The following DAB2 variants were observed in gnomAD, a reference collection of about 807,000 sequenced individuals.
DAB2 encodes DAB adaptor protein 2, also known as disabled homolog 2.
In DAB2, 28 loss-of-function variants were observed where a neutral mutation model predicts 71.6. The observed-to-expected ratio is 0.39, with a 90% CI of 0.29 to 0.54. DAB2 has a LOEUF of 0.54. Among genes scored for constraint, DAB2 ranks in the 20% least tolerant of loss-of-function variants. DAB2 has a pLI of 0.68. For missense variants in DAB2, 867 were observed against 928.8 expected (o/e 0.93, Z 0.86); for synonymous variants, 345 against 339.7 (o/e 1.02, Z -0.17).
intron 2 of DAB2, 57 bp from the exon 3 acceptor site, chr5:39,393,450 T>A: frequency 6.5e-7 from 1 of 1,549,912 alleles, no homozygotes; most frequent in Non-Finnish European, 8.8e-7. Flanking sequence ...TGACCAAATA[T>A]GCTCTAGACT....
intron 9 of DAB2, chr5:39,385,032 C>G (rs1361727433): frequency 6.6e-6 from 1 of 151,960 alleles, no homozygotes; most frequent in African/African-American, 2.4e-5. Flanking sequence ...TATTTCATGG[C>G]CACAAAAGAG....
At chr5:39,401,248 A>C (rs1579917801) in intron 1 of DAB2, among the ~76,000 whole-genome samples, 1 of 152,338 alleles carries the variant, frequency 6.6e-6, no homozygotes, top group Non-Finnish European at 1.5e-5. Flanking sequence ...AAATGCTGAC[A>C]CTACTGTAGG....
Position 39,382,603 on chromosome 5 carries a change from G to A in DAB2, c.1341+15C>T. The A allele has an allele frequency of 6.2e-7, 1 of 1,607,716 alleles. No homozygotes were observed. Among genetic ancestry groups the A allele is most frequent in the Non-Finnish European group, 8.5e-7 (1 of 1,174,954 alleles). ...CATGCACTCTGCTAATGGATATGTG[G>A]AGAAGACAATTCACCTTAGCAGTCC... On this transcript the variant is annotated intron_variant, in intron 10 of 14. Transcript: ENST00000320816.
rs1217625210 is a variant in DAB2 at position 39,389,069 on chromosome 5, T to C, written c.570+28A>G. The C allele has an allele frequency of 6.2e-6, 10 of 1,610,032 alleles. No individual in the cohort carries two copies. In the East Asian group the frequency reaches 6.7e-5, roughly 11 times the overall value. On this transcript the variant is annotated intron_variant, in intron 7 of 14. Transcript: ENST00000320816. ...GGGCTTACGCATGTCACACACATGATTAACAAGAAGTAAAGATGCAATTTT... is the reference window on the plus strand; with the variant it reads ...GGGCTTACGCATGTCACACACATGACTAACAAGAAGTAAAGATGCAATTTT...
chr5:39,418,682 T>C (rs1387075974), intron 1 of DAB2, among the ~76,000 whole-genome samples: 1 of 152,206 alleles, frequency 6.6e-6, no homozygotes, highest in East Asian at 1.9e-4. Flanking sequence ...ATTATTCACA[T>C]TTAATAGTTT....
At position 39,377,773 on chromosome 5, in the gene DAB2, C is replaced by T. The variant is rs113315276; in HGVS notation, c.1505-491G>A. ...ATCTTTTCATTTGGCAACTGGCTCA[C>T]GTCTGGAGTCTTATGGAAACCAGCA... On this transcript the variant is annotated intron_variant, in intron 11 of 14. Transcript: ENST00000320816. Among the ~76,000 whole-genome samples the T allele has an allele frequency of 7.2e-5, 11 of 152,316 alleles. 1 individual carries two copies. Among genetic ancestry groups the T allele is most frequent in the African/African-American group, 2.4e-4 (10 of 41,566 alleles).
intron 11 of DAB2, 78 bp downstream of exon 11, chr5:39,381,376 T>C (rs1754976159): frequency 1.4e-6 from 2 of 1,454,776 alleles, no homozygotes; most frequent in South Asian, 2.5e-5. Flanking sequence ...TCTGGGAGTA[T>C]GAAATCTCTT....
chr5:39,375,194 CA>C (rs1383269001), intron 13 of DAB2, 110 bp from the exon 14 acceptor site: 1 of 740,876 alleles, frequency 1.3e-6, no homozygotes, highest in Non-Finnish European at 2.3e-6. Flanking sequence ...ATAGGCCAAT[CA>C]GCCAATCAAA....
At chr5:39,375,160 A>T (rs1450538897) in intron 13 of DAB2, 76 bp from the exon 14 acceptor site, 2 of 1,096,880 alleles carry the variant, frequency 1.8e-6, no homozygotes, top group African/African-American at 3.1e-5. Context: ...GACTTCCAAA[A>T]TTCTTTTAAA....
At position 39,383,243 on chromosome 5, in the gene DAB2, A is replaced by T. The variant is rs1300185676; in HGVS notation, c.716T>A (p.Leu239Gln). 4 of 1,612,620 alleles carry T rather than the reference A, an allele frequency of 2.5e-6. No homozygotes were observed. The highest frequency in any genetic ancestry group is 3.4e-6 in the Non-Finnish European group (4 of 1,178,934). Residue 239 changes from leucine (L) to glutamine (Q), a missense_variant, in exon 10 of 15, where the codon CTA becomes CAA. Around this residue, in one of 2 missense-constraint regions of DAB2, gnomAD observed 740 missense variants for 734.3 expected, o/e 1.01. Transcript: ENST00000320816. ...CTGATTGGTGTCGATTTCAGAGTTT[A>T]GATCCACTAACAGGATATCTTTGCT... ...TESKDILLVD[L>Q]NSEIDTNQNS...
At chr5:39,377,405 T>C in intron 11 of DAB2, 123 bp from the exon 12 acceptor site, 1 of 966,066 alleles carries the variant, frequency 1.0e-6, no homozygotes. Context: ...GCCCTGAGGC[T>C]GATATGGGAA....
intron 1 of DAB2, among the ~76,000 whole-genome samples, chr5:39,416,025 C>T (rs1755836823): frequency 6.6e-6 from 1 of 151,860 alleles, no homozygotes; most frequent in African/African-American, 2.4e-5. Context: ...CATAATTACC[C>T]TTTATTTTCA....
chr5:39,420,924 A>G (rs1163785692), intron 1 of DAB2, among the ~76,000 whole-genome samples: 3 of 152,170 alleles, frequency 2.0e-5, no homozygotes, highest in African/African-American at 7.2e-5. Context: ...TGGGGCCTGC[A>G]CACACTCGGA....
chr5:39,380,432 G>A (rs969342665), intron 11 of DAB2, among the ~76,000 whole-genome samples: 8 of 152,236 alleles, frequency 5.3e-5, no homozygotes, highest in African/African-American at 1.7e-4. Flanking sequence ...GGCAGAGAAA[G>A]CCAGGATCCC....
At chr5:39,389,446 T>C (rs768297896) in intron 6 of DAB2, among the ~76,000 whole-genome samples, 1 of 152,170 alleles carries the variant, frequency 6.6e-6, no homozygotes, top group Non-Finnish European at 1.5e-5. Flanking sequence ...AGACAATACA[T>C]ATAGAAGCCA....
At position 39,381,523 on chromosome 5, in the gene DAB2, G is replaced by A; in HGVS notation, c.1435C>T (p.Leu479=). The change falls in exon 11 of 15, where the codon CTG becomes TTG. Residue 479 remains leucine (L), a synonymous_variant. Coordinates refer to ENST00000320816, the MANE Select transcript of DAB2 (RefSeq NM_001343.4). ...QASPTGQPTA[L]QPNPLDLFKT... ...AAGAGATCCAGAGGGTTGGGCTGCA[G>A]GGCTGTAGGTTGTCCTGTGGGTGAC... is the stretch of plus-strand genomic sequence containing the variant. 2.5e-6 allele frequency: 4 copies of A among 1,614,154 alleles called. No individual in the cohort carries two copies. The highest frequency in any genetic ancestry group is 2.5e-6 in the Non-Finnish European group (3 of 1,180,000).
chr5:39,380,903 C>T (rs146069117), intron 11 of DAB2, among the ~76,000 whole-genome samples: 2 of 152,262 alleles, frequency 1.3e-5, no homozygotes, highest in Non-Finnish European at 2.9e-5. Context: ...AGAGACTGAT[C>T]AGGATGTGTG....
rs896282013 is a variant in DAB2 at position 39,381,443 on chromosome 5, T to C, written c.1504+11A>G. 5 of 1,609,722 alleles carry C rather than the reference T, an allele frequency of 3.1e-6. No individual in the cohort carries two copies. In the African/African-American group the frequency reaches 6.7e-5, roughly 22 times the overall value. On this transcript the variant is annotated intron_variant, in intron 11 of 14. Transcript: ENST00000320816. The stretch of plus-strand genomic sequence containing the variant: ...AAAGAGTCATACTTAATTTTATCTC[T>C]AGGCACCTACCTAGACCCACCAGGG...
At chr5:39,374,133 T>C (rs1048354064) in intron 14 of DAB2, among the ~76,000 whole-genome samples, 2 of 152,100 alleles carry the variant, frequency 1.3e-5, no homozygotes, top group African/African-American at 4.8e-5. Flanking sequence ...ATAATTACAT[T>C]CTAGATGAGC....
Sources: gnomAD v4.1 joint callset for allele counts (sites outside exome capture counted in the v4.1 genomes callset) on GRCh38, gnomAD v4.1.1 for gene constraint, gnomAD v4.1.1 regional missense constraint, MANE v1.5 for transcripts, NCBI Gene and HGNC (gene_info 2026-07-23, HGNC 2026-07-21) for gene names.